Variants in SDHC observed in about 807,000 individuals in gnomAD.
SDHC encodes succinate dehydrogenase cytochrome b560 subunit, mitochondrial.
A neutral mutation model predicts 22.6 loss-of-function variants in SDHC; 11 were observed. The ratio of observed to expected loss-of-function variants is 0.49; its 90% confidence interval spans 0.31 to 0.81. The LOEUF (loss-of-function observed/expected upper bound fraction) is 0.81, where lower values mean the gene tolerates loss of function less well. Among genes scored for constraint, SDHC ranks in the 30% least tolerant of loss-of-function variants. The pLI is 0.05. For missense variants in SDHC, 160 were observed against 212.0 expected, an observed-to-expected ratio of 0.75 and a Z score of 1.52; for synonymous variants, 80 against 77.8, an observed-to-expected ratio of 1.03 and a Z score of -0.15.
At chr1:161,344,241 GA>G (rs1671818109) in intron 4 of SDHC, among the ~76,000 whole-genome samples, 1 of 152,192 alleles carries the variant, frequency 6.6e-6, no homozygotes, top group Non-Finnish European at 1.5e-5. Flanking sequence ...AGTGAGCTGA[GA>G]TTGCGCCACT....
At chr1:161,339,662 G>GTTTTTTTTTTGTTTTTTTTTTTTTTTT in intron 3 of SDHC, 1 of 49,566 alleles carries the variant, frequency 2.0e-5, no homozygotes, top group Admixed American at 5.3e-4. Context: ...TGATACAGGT[G>GTTTTTTTTTTGTTTTTTTTTTTTTTTT]TTTTTTTTTT....
intron 4 of SDHC, among the ~76,000 whole-genome samples, chr1:161,340,897 G>T (rs1671697136): frequency 6.6e-6 from 1 of 152,184 alleles, no homozygotes; most frequent in Admixed American, 6.5e-5. Context: ...AGGCTGGAGT[G>T]CAGTGGCGCG....
rs188709001 is a variant in SDHC, at chr1:161,337,227, G to C, written c.180-3367G>C. 1.6e-3 allele frequency among the ~76,000 whole-genome samples: 249 copies of C among 152,142 alleles called. 1 individual carries two copies. Among genetic ancestry groups the C allele is most frequent in the Non-Finnish European group, 9.0e-4 (61 of 68,010 alleles). On this transcript the variant is annotated intron_variant, in intron 3 of 5. Coordinates refer to ENST00000367975, the MANE Select transcript of SDHC (RefSeq NM_003001.5). Reference sequence around the variant, plus strand: ...GACTCTTACCTAATGTTCAAACAGGGCCTAGTGAAGAAGACTTGTCTTTGC... The same window carrying C: ...GACTCTTACCTAATGTTCAAACAGGCCCTAGTGAAGAAGACTTGTCTTTGC...
chr1:161,337,210 C>G (rs958457998), intron 3 of SDHC, among the ~76,000 whole-genome samples: 76 of 152,192 alleles, frequency 5.0e-4, no homozygotes, highest in African/African-American at 1.8e-3. Context: ...TAGACTCTTA[C>G]CTAATGTTCA....
chr1:161,359,134 C>G (rs1275521082), intron 5 of SDHC, among the ~76,000 whole-genome samples: 3 of 151,494 alleles, frequency 2.0e-5, no homozygotes, highest in Non-Finnish European at 4.4e-5. Flanking sequence ...ATTTTGTAGT[C>G]TCCCTAGTTT....
intron 3 of SDHC, among the ~76,000 whole-genome samples, chr1:161,334,830 A>C (rs1175803996): frequency 6.6e-6 from 1 of 152,232 alleles, no homozygotes; most frequent in Non-Finnish European, 1.5e-5. Flanking sequence ...AGATTAGAAC[A>C]TGAACATCTT....
At chr1:161,345,304 T>G (rs543335634) in intron 4 of SDHC, among the ~76,000 whole-genome samples, 2 of 152,340 alleles carry the variant, frequency 1.3e-5, no homozygotes, top group African/African-American at 4.8e-5. Flanking sequence ...CCTTTACATC[T>G]TAGCAAAATG....
chr1:161,314,561 G>T, intron 1 of SDHC, 136 bp downstream of exon 1: 1 of 1,067,694 alleles, frequency 9.4e-7, no homozygotes, highest in East Asian at 2.6e-5. Context: ...CAAGCGCTCG[G>T]GGATCCTAGA....
intron 4 of SDHC, among the ~76,000 whole-genome samples, chr1:161,354,512 A>T (rs1292443609): frequency 6.6e-6 from 1 of 152,120 alleles, no homozygotes; most frequent in African/African-American, 2.4e-5. Context: ...AATGATCCCA[A>T]ACTATCAAAT....
At chr1:161,352,172 T>C (rs1672119338) in intron 4 of SDHC, among the ~76,000 whole-genome samples, 1 of 152,240 alleles carries the variant, frequency 6.6e-6, no homozygotes, top group African/African-American at 2.4e-5. Flanking sequence ...ATGCCCAATA[T>C]ACTGAACATC....
intron 4 of SDHC, among the ~76,000 whole-genome samples, chr1:161,344,090 T>C (rs1024671417): frequency 6.6e-6 from 1 of 151,362 alleles, no homozygotes; most frequent in African/African-American, 2.4e-5. Flanking sequence ...ATCGAGACCA[T>C]CCTGGCTAAC....
At chr1:161,352,219 T>G (rs1672121052) in intron 4 of SDHC, among the ~76,000 whole-genome samples, 4 of 152,234 alleles carry the variant, frequency 2.6e-5, no homozygotes, top group Admixed American at 2.6e-4. Context: ...TTAATTCTCA[T>G]ATGTTTTTCA....
chr1:161,361,918 C>CTT (rs55810728), intron 5 of SDHC, among the ~76,000 whole-genome samples: 8 of 140,510 alleles, frequency 5.7e-5, no homozygotes, highest in East Asian at 4.2e-4. Context: ...GACCACAGAA[C>CTT]TTTTTTTTTT....
In SDHC at chr1:161,362,880, C is replaced by T. The variant is rs796632322; in HGVS notation, c.*447C>T. ...TGGGTTGCTGGCTTAAAGGACAATT[C>T]TCTTCATTGGTGAGAGCCCAGGCCA... is the stretch of plus-strand genomic sequence containing the variant. On this transcript the variant is annotated 3_prime_UTR_variant, in exon 6 of 6. Transcript: ENST00000367975. The T allele has an allele frequency of 2.9e-5, 13 of 442,264 alleles. No individual in the cohort carries two copies. The highest frequency in any genetic ancestry group is 2.6e-4 in the African/African-American group (13 of 50,902). 27.4% of individuals were successfully genotyped at this position (442,264 alleles called of 1,614,324 possible).
chr1:161,343,572 C>T (rs1297477133), intron 4 of SDHC, among the ~76,000 whole-genome samples: 2 of 152,076 alleles, frequency 1.3e-5, no homozygotes, highest in Admixed American at 6.6e-5. Context: ...CCTGCTTGCA[C>T]TGAACTGGTG....
At chr1:161,318,189 A>G (rs956685082) in intron 1 of SDHC, among the ~76,000 whole-genome samples, 1 of 151,754 alleles carries the variant, frequency 6.6e-6, no homozygotes, top group Non-Finnish European at 1.5e-5. Context: ...AAAAAATTGT[A>G]CTGTGTTATA....
chr1:161,342,121 G>C (rs76730031), intron 4 of SDHC, among the ~76,000 whole-genome samples: 5,689 of 152,262 alleles, frequency 0.037, 114 homozygotes, highest in African/African-American at 0.045. Flanking sequence ...ATTTCTGTGT[G>C]ATGTGATTAC....
chr1:161,329,141 A>C (rs1363834440), intron 3 of SDHC, among the ~76,000 whole-genome samples: 1 of 151,880 alleles, frequency 6.6e-6, no homozygotes, highest in Non-Finnish European at 1.5e-5. Flanking sequence ...CTCTTGACCT[A>C]GTGATCCGCC....
In SDHC at chr1:161,354,441, C is replaced by G. The variant is rs544344221; in HGVS notation, c.242-2236C>G. 2.6e-5 allele frequency among the ~76,000 whole-genome samples: 4 copies of G among 152,088 alleles called. No individual in the cohort carries two copies. The South Asian group carries it at 8.3e-4, about 32-fold the overall frequency. ...GAATATGTAAAATATCCTGTAGGAC[C>G]TGTGAGTTTGCTTTGGTACCCCAGG... On this transcript the variant is annotated intron_variant, in intron 4 of 5. Transcript: ENST00000367975.
Sources: allele counts gnomAD v4.1 joint callset (sites outside exome capture counted in the v4.1 genomes callset), GRCh38; gene constraint gnomAD v4.1.1; transcripts MANE v1.5; gene names NCBI Gene and HGNC (gene_info 2026-07-23, HGNC 2026-07-21).